Variants in EIF2D observed in about 807,000 individuals in gnomAD.
EIF2D encodes hepatocellular carcinoma-associated antigen 56.
Under a neutral mutation model 77.4 loss-of-function variants are expected in EIF2D, and 56 were observed. That is an observed-to-expected ratio of 0.72 (90% CI 0.58 to 0.90). EIF2D has a LOEUF of 0.90. Among genes scored for constraint, EIF2D ranks in the 40% least tolerant of loss-of-function variants. The pLI is 0.00. For synonymous variants in EIF2D, 230 were observed against 271.0 expected, an observed-to-expected ratio of 0.85 and a Z score of 1.49; for missense variants, 574 against 706.5, an observed-to-expected ratio of 0.81 and a Z score of 2.13.
At chr1:206,581,923 C>T (rs1382637249) in intron 2 of EIF2D, among the ~76,000 whole-genome samples, 3 of 150,158 alleles carry the variant, frequency 2.0e-5, no homozygotes, top group South Asian at 2.1e-4. Flanking sequence ...GATGTGACGT[C>T]GCGGCAGCTG....
At chr1:206,581,892 T>C (rs191067990) in intron 2 of EIF2D, among the ~76,000 whole-genome samples, 1 of 152,164 alleles carries the variant, frequency 6.6e-6, no homozygotes, top group East Asian at 1.9e-4. Context: ...GGGGGGGCCC[T>C]GTTGTGTTCC....
intron 1 of EIF2D, among the ~76,000 whole-genome samples, chr1:206,611,909 T>G (rs998985580): frequency 3.9e-5 from 6 of 152,140 alleles, no homozygotes; most frequent in Non-Finnish European, 5.9e-5. Flanking sequence ...CACTAGTCAT[T>G]TTTTTCTCTT....
intron 4 of EIF2D, among the ~76,000 whole-genome samples, chr1:206,576,104 C>T (rs1668647704): frequency 6.6e-6 from 1 of 152,230 alleles, no homozygotes; most frequent in Admixed American, 6.5e-5. Flanking sequence ...TGCCTCCATC[C>T]AGAGAGCATC....
intron 4 of EIF2D, among the ~76,000 whole-genome samples, chr1:206,574,891 G>A (rs946796576): frequency 7.8e-5 from 10 of 128,516 alleles, no homozygotes; most frequent in South Asian, 4.9e-4. Flanking sequence ...ATGGAGTCTC[G>A]CTCTGTCATC....
Position 206,584,184 on chromosome 1 carries a change from T to C in EIF2D, c.139-3022A>G, listed in dbSNP as rs1669009509. 6.6e-6 allele frequency among the ~76,000 whole-genome samples: 1 copy of C among 152,172 alleles called. No individual in the cohort carries two copies. Among genetic ancestry groups the C allele is most frequent in the South Asian group, 2.1e-4 (1 of 4,832 alleles). ...CCACTGCAGCCCCACAGGTCCTCTT[T>C]GGTAGCTGGATCCTGAGGGTCTTCT... On this transcript the variant is annotated intron_variant and NMD_transcript_variant, in intron 2 of 5. Coordinates refer to the EIF2D transcript ENST00000472709. The surrounding 1 kb of genome is among the most constrained non-coding windows in gnomAD (Gnocchi z 4.9).
At position 206,584,806 on chromosome 1, in the gene EIF2D, G is replaced by C; in HGVS notation, c.139-3644C>G. Reference sequence around the variant, plus strand: ...GCTTCTCCTGAGCACCAGGGGTCCAGCTGCCCATGTGGTGTTCAGATCTGT... The same window carrying C: ...GCTTCTCCTGAGCACCAGGGGTCCACCTGCCCATGTGGTGTTCAGATCTGT... On this transcript the variant is annotated intron_variant and NMD_transcript_variant, in intron 2 of 5. Coordinates refer to the EIF2D transcript ENST00000472709. This position sits in a 1 kb window ranked among gnomAD's most constrained non-coding sequence, Gnocchi z 4.9. 1 of 1,032,766 alleles carries C rather than the reference G, an allele frequency of 9.7e-7. No homozygotes were observed. Among genetic ancestry groups the C allele is most frequent in the Non-Finnish European group, 1.4e-6 (1 of 698,444 alleles). 64.0% of individuals were successfully genotyped at this position (1,032,766 alleles called of 1,614,324 possible). A position where few individuals can be genotyped will look rare whatever the true frequency, so the allele number is the denominator to read the frequency against.
Position 206,603,140 on chromosome 1 carries a change from T to C in EIF2D, c.595A>G (p.Ser199Gly), listed in dbSNP as rs116099502. The change falls in exon 6 of 15, where the codon AGT becomes GGT. Residue 199 changes from serine to glycine, a missense_variant. By Grantham distance (56) the Ser-to-Gly change is moderately conservative (BLOSUM62 0). Transcript: ENST00000271764. Reference sequence around the variant, plus strand: ...ATCTGGACAGACCCCTTCTCTTCACTGAGATCTGCTGAATCCAGGGCCAGT... The same window carrying C: ...ATCTGGACAGACCCCTTCTCTTCACCGAGATCTGCTGAATCCAGGGCCAGT... ...APLALDSADL[S>G]EEKGSVQMDS... 2 of 1,614,074 alleles carry C rather than the reference T, an allele frequency of 1.2e-6. No homozygotes were observed. Among genetic ancestry groups the C allele is most frequent in the Non-Finnish European group, 1.7e-6 (2 of 1,180,030 alleles).
chr1:206,590,220 T>C (rs1558528180), downstream of EIF2D, among the ~76,000 whole-genome samples: 1 of 152,056 alleles, frequency 6.6e-6, no homozygotes, highest in Non-Finnish European at 1.5e-5. Flanking sequence ...GAAAAACCAC[T>C]CAATGCACAG....
intron 5 of EIF2D, among the ~76,000 whole-genome samples, chr1:206,604,367 C>CGAG (rs1187207212): frequency 1.5e-4 from 23 of 151,862 alleles, no homozygotes; most frequent in Non-Finnish European, 2.2e-4. Flanking sequence ...TCACTTGAAC[C>CGAG]GAGAGGCAGA....
At chr1:206,596,779 G>A (rs1290295311) in intron 12 of EIF2D, among the ~76,000 whole-genome samples, 1 of 152,038 alleles carries the variant, frequency 6.6e-6, no homozygotes, top group Non-Finnish European at 1.5e-5. Flanking sequence ...TCCACCTCCT[G>A]GGCCCAAGCA....
At chr1:206,575,700 C>T (rs916704072) in intron 4 of EIF2D, among the ~76,000 whole-genome samples, 8 of 152,170 alleles carry the variant, frequency 5.3e-5, no homozygotes, top group African/African-American at 1.4e-4. Context: ...CTTAGTCCTG[C>T]GAAGGGGCCC....
intron 14 of EIF2D, among the ~76,000 whole-genome samples, chr1:206,593,259 A>G (rs1159353112): frequency 6.6e-6 from 1 of 152,180 alleles, no homozygotes; most frequent in African/African-American, 2.4e-5. Flanking sequence ...CTGCAGCATC[A>G]TTATGATTAA....
intron 5 of EIF2D, among the ~76,000 whole-genome samples, chr1:206,572,220 G>T (rs1553404322): frequency 6.6e-6 from 1 of 152,200 alleles, no homozygotes; most frequent in African/African-American, 2.4e-5. Context: ...TTCAACGCAT[G>T]AAGCCAATGT....
At position 206,585,586 on chromosome 1, in the gene EIF2D, C is replaced by T; in HGVS notation, c.139-4424G>A. The T allele has an allele frequency of 1.2e-5, 3 of 258,312 alleles. No homozygotes were observed. In the South Asian group the frequency reaches 2.1e-4, roughly 18 times the overall value. 16.0% of individuals were successfully genotyped at this position (258,312 alleles called of 1,614,324 possible). A position where few individuals can be genotyped will look rare whatever the true frequency, so the allele number is the denominator to read the frequency against. ...CAGGGAGGAGGGGGACCAAGAAACT[C>T]CCTGTGCTCAGGCACAGGCTGTTTT... On this transcript the variant is annotated intron_variant and NMD_transcript_variant, in intron 2 of 5. Transcript: ENST00000472709.
rs531000730 is a variant in EIF2D at position 206,579,308 on chromosome 1, T to C, written c.*254+1384A>G. Among the ~76,000 whole-genome samples the C allele has an allele frequency of 6.0e-4, 91 of 152,248 alleles. No homozygotes were observed. The Middle Eastern group carries it at 9.5e-3, about 16-fold the overall frequency. On this transcript the variant is annotated intron_variant and NMD_transcript_variant, in intron 4 of 5. Transcript: ENST00000472709. The surrounding 1 kb of genome is among the most constrained non-coding windows in gnomAD (Gnocchi z 4.2). ...GAGACACCTCACATGCCAATGTCTA[T>C]ATTTGTTAAATCATAACAGAGTTCC...
rs374112434 is a variant in EIF2D, at chr1:206,612,370, G to A, written c.-28C>T. 2.7e-5 allele frequency: 43 copies of A among 1,614,070 alleles called. No homozygotes were observed. The highest frequency in any genetic ancestry group is 3.5e-5 in the Non-Finnish European group (41 of 1,179,982). ...CTGCTGGGGTGGCCTGGGGAAGAGAGCACAGAAGCCAGGGAATGTCAAGAA... is the reference window on the plus strand; with the variant it reads ...CTGCTGGGGTGGCCTGGGGAAGAGAACACAGAAGCCAGGGAATGTCAAGAA... On this transcript the variant is annotated 5_prime_UTR_variant, in exon 1 of 15. Coordinates refer to ENST00000271764, the MANE Select transcript of EIF2D (RefSeq NM_006893.3).
intron 2 of EIF2D, chr1:206,583,239 C>T (rs782522732): frequency 4.4e-5 from 64 of 1,439,648 alleles, no homozygotes; most frequent in Admixed American, 8.4e-5. Context: ...AACTACTACA[C>T]ATCCACCTCC....
chr1:206,583,379 G>A, intron 2 of EIF2D: 1 of 1,600,994 alleles, frequency 6.2e-7, no homozygotes, highest in Non-Finnish European at 8.6e-7. Flanking sequence ...GCATGAAACT[G>A]GTAAGCGCCC....
downstream of EIF2D, chr1:206,587,021 G>A (rs1669145549): frequency 6.2e-7 from 1 of 1,609,328 alleles, no homozygotes; most frequent in Non-Finnish European, 8.5e-7. Context: ...AGATTTATTT[G>A]TATTATTAAT....
Sources: gnomAD v4.1 joint callset for allele counts (sites outside exome capture counted in the v4.1 genomes callset) on GRCh38, gnomAD v4.1.1 for gene constraint, Gnocchi (gnomAD v3.1) non-coding constraint, MANE v1.5 for transcripts, NCBI Gene and HGNC (gene_info 2026-07-23, HGNC 2026-07-21) for gene names.